Variants in CDH18 observed in about 807,000 individuals in gnomAD.
CDH18 encodes cadherin-18.
In CDH18, 31 loss-of-function variants were observed where a neutral mutation model predicts 67.9. The ratio of observed to expected loss-of-function variants is 0.46; its 90% CI spans 0.34 to 0.62. The LOEUF is 0.62. Ranked by LOEUF, CDH18 falls within the 20% of genes least tolerant of loss-of-function variation. The pLI, the probability that CDH18 is intolerant of heterozygous loss-of-function variation, is 0.01. For missense variants in CDH18, 890 were observed against 975.5 expected (o/e 0.91, Z 1.17); for synonymous variants, 362 against 347.2 (o/e 1.04, Z -0.48).
chr5:19,964,408 C>G (rs1210815719), intron 2 of CDH18, among the ~76,000 whole-genome samples: 1 of 149,290 alleles, frequency 6.7e-6, no homozygotes, highest in Non-Finnish European at 1.5e-5. Flanking sequence ...TAGTGAGACC[C>G]TGTCTCTACA....
At chr5:20,397,136 G>A (rs983016568) in intron 1 of CDH18, among the ~76,000 whole-genome samples, 1 of 151,958 alleles carries the variant, frequency 6.6e-6, no homozygotes, top group Non-Finnish European at 1.5e-5. Flanking sequence ...TTTTTGTGGT[G>A]TTTGTTTGTT....
intron 5 of CDH18, among the ~76,000 whole-genome samples, chr5:19,697,908 A>T (rs970110414): frequency 2.6e-5 from 4 of 152,142 alleles, no homozygotes; most frequent in African/African-American, 9.6e-5. Flanking sequence ...GGCTTTGTCT[A>T]GGAAGGCAGT....
At chr5:19,810,967 G>A (rs889376860) in intron 3 of CDH18, among the ~76,000 whole-genome samples, 2 of 151,452 alleles carry the variant, frequency 1.3e-5, no homozygotes, top group East Asian at 1.9e-4. Flanking sequence ...AAGTTGCAGC[G>A]AGCTGAGATC....
intron 1 of CDH18, among the ~76,000 whole-genome samples, chr5:20,444,806 G>A (rs73763403): frequency 0.021 from 3,084 of 144,380 alleles, 96 homozygotes; most frequent in African/African-American, 0.066. Flanking sequence ...GGCCATCACC[G>A]TTCACTGCGA....
intron 2 of CDH18, among the ~76,000 whole-genome samples, chr5:20,201,894 G>A (rs1739477757): frequency 6.6e-6 from 1 of 152,178 alleles, no homozygotes; most frequent in South Asian, 2.1e-4. Context: ...TGCGAAAGCA[G>A]TCATCAGGAA....
At chr5:20,390,309 C>A (rs577211935) in intron 1 of CDH18, among the ~76,000 whole-genome samples, 1 of 152,232 alleles carries the variant, frequency 6.6e-6, no homozygotes, top group East Asian at 1.9e-4. Flanking sequence ...ACAAACGACT[C>A]CATCAAAAAG....
intron 2 of CDH18, among the ~76,000 whole-genome samples, chr5:19,978,135 A>G (rs1022911014): frequency 2.0e-5 from 3 of 152,126 alleles, no homozygotes; most frequent in Non-Finnish European, 4.4e-5. Context: ...AAATAATTCA[A>G]TACTATTTTA....
chr5:20,223,867 C>G (rs1337941823), intron 2 of CDH18, among the ~76,000 whole-genome samples: 2 of 152,020 alleles, frequency 1.3e-5, no homozygotes, highest in Non-Finnish European at 2.9e-5. Flanking sequence ...TGTGAAGCCT[C>G]GCAAGCCATA....
chr5:20,554,063 C>G (rs1317757801), intron 1 of CDH18, among the ~76,000 whole-genome samples: 2 of 152,092 alleles, frequency 1.3e-5, no homozygotes, highest in Non-Finnish European at 2.9e-5. Flanking sequence ...CTCCTAGTAG[C>G]CCCCATATTT....
At chr5:19,891,664 G>C (rs2150085153) in intron 2 of CDH18, among the ~76,000 whole-genome samples, 1 of 152,202 alleles carries the variant, frequency 6.6e-6, no homozygotes, top group Non-Finnish European at 1.5e-5. Flanking sequence ...TCTAGCCTCA[G>C]ATTGGTGTGA....
chr5:19,764,512 C>G (rs1395997405), intron 3 of CDH18, among the ~76,000 whole-genome samples: 1 of 151,494 alleles, frequency 6.6e-6, no homozygotes, highest in East Asian at 1.9e-4. Context: ...AAGAATATAA[C>G]CAAGGCATGA....
At chr5:20,121,783 T>C (rs1461935541) in intron 2 of CDH18, among the ~76,000 whole-genome samples, 1 of 152,186 alleles carries the variant, frequency 6.6e-6, no homozygotes. Context: ...TCATGCTGAA[T>C]AGGAAGGCTG....
At chr5:19,655,202 A>G (rs1756170828) in intron 5 of CDH18, among the ~76,000 whole-genome samples, 1 of 152,176 alleles carries the variant, frequency 6.6e-6, no homozygotes. Context: ...GTATATGTAT[A>G]TGCATACCAC....
intron 5 of CDH18, among the ~76,000 whole-genome samples, chr5:19,617,281 C>A (rs183883921): frequency 1.3e-5 from 2 of 152,154 alleles, no homozygotes; most frequent in Admixed American, 1.3e-4. Flanking sequence ...AAAAGGTAAG[C>A]CAATGGATAA....
At position 20,114,117 on chromosome 5, in the gene CDH18, A is replaced by G. The variant is rs144922189; in HGVS notation, c.-517-122103T>C. Among the ~76,000 whole-genome samples the G allele has an allele frequency of 3.2e-3, 494 of 152,330 alleles. 7 individuals are homozygous for G. Among genetic ancestry groups the G allele is most frequent in the African/African-American group, 0.012 (484 of 41,566 alleles). ...AGCGGGACGCTCCTCACTCAAGGTT[A>G]CCCAGATATATGCAACATCATCAAT... On this transcript the variant is annotated intron_variant, in intron 2 of 14. Transcript: ENST00000507958.
intron 1 of CDH18, among the ~76,000 whole-genome samples, chr5:20,512,351 A>T: frequency 6.6e-6 from 1 of 152,012 alleles, no homozygotes; most frequent in East Asian, 1.9e-4. Context: ...TTGTTGCCTT[A>T]TGTTTGTTCA....
chr5:19,898,432 C>T lies in CDH18; in HGVS notation c.-256-59190G>A, dbSNP rs193116105. Among the ~76,000 whole-genome samples the T allele has an allele frequency of 1.3e-4, 20 of 151,750 alleles. No homozygotes were observed. The East Asian group carries it at 3.5e-3, about 27-fold the overall frequency. On this transcript the variant is annotated intron_variant, in intron 2 of 12. Coordinates refer to ENST00000382275, the MANE Select transcript of CDH18 (RefSeq NM_004934.5). ...GCAATATTTTCCAAATTTCAGGGTG[C>T]CTTTTATAAAATTAATCAAGAATGT...
intron 9 of CDH18, among the ~76,000 whole-genome samples, chr5:19,535,092 G>A (rs1749205383): frequency 6.6e-6 from 1 of 152,100 alleles, no homozygotes; most frequent in Non-Finnish European, 1.5e-5. Flanking sequence ...CTCTGAACCT[G>A]AATAACCCAC....
At chr5:19,710,316 G>A (rs926116182) in intron 5 of CDH18, among the ~76,000 whole-genome samples, 1 of 152,030 alleles carries the variant, frequency 6.6e-6, no homozygotes, top group Non-Finnish European at 1.5e-5. Context: ...CCCAAAGTCA[G>A]ATTTTATTTC....
Sources: gnomAD v4.1 joint callset for allele counts (sites outside exome capture counted in the v4.1 genomes callset) on GRCh38, gnomAD v4.1.1 for gene constraint, MANE v1.5 for transcripts, NCBI Gene and HGNC (gene_info 2026-07-23, HGNC 2026-07-21) for gene names.